ATAD2B: variants seen among roughly 807,000 people sequenced by gnomAD.
The protein encoded by ATAD2B is ATPase family AAA domain-containing protein 2B.
Under a neutral mutation model 167.6 loss-of-function variants are expected in ATAD2B, and 40 were observed. That is an observed-to-expected ratio of 0.24 (90% CI 0.19 to 0.31). The LOEUF is 0.31. Ranked by LOEUF, ATAD2B falls within the 10% of genes least tolerant of loss-of-function variation. The pLI is 1.00. For missense variants in ATAD2B, 1,242 were observed against 1,757.2 expected (o/e 0.71, Z 5.24); for synonymous variants, 579 against 596.5 (o/e 0.97, Z 0.43).
chr2:23,719,812 G>A, the ATAD2B span, among the ~76,000 whole-genome samples: 1 of 152,220 alleles, frequency 6.6e-6, no homozygotes, highest in South Asian at 2.1e-4. Flanking sequence ...ATATCCCTGA[G>A]GACTGGCAGA....
chr2:23,878,056 G>A (rs991023332), intron 7 of ATAD2B, among the ~76,000 whole-genome samples: 2 of 103,370 alleles, frequency 1.9e-5, no homozygotes, highest in East Asian at 6.7e-4. Context: ...TGTATAAATT[G>A]GAGTTCATTA....
intron 1 of ATAD2B, among the ~76,000 whole-genome samples, chr2:23,912,218 C>T (rs778300463): frequency 7.9e-5 from 12 of 151,908 alleles, no homozygotes; most frequent in East Asian, 1.9e-4. Flanking sequence ...GAAAGTAGGC[C>T]GGGTACAGTG....
At chr2:23,872,493 A>G (rs1696150826) in intron 8 of ATAD2B, 2 of 764,022 alleles carry the variant, frequency 2.6e-6, no homozygotes, top group East Asian at 4.9e-5. Flanking sequence ...TTACCAGGTG[A>G]GCTATTTCTT....
the ATAD2B span, among the ~76,000 whole-genome samples, chr2:23,694,664 A>C: frequency 6.6e-6 from 1 of 152,148 alleles, no homozygotes; most frequent in Admixed American, 6.5e-5. Flanking sequence ...ATCTCGTAAG[A>C]ATAAACCCCA....
chr2:23,856,576 C>G (rs1281403936), intron 13 of ATAD2B: 1 of 192,134 alleles, frequency 5.2e-6, no homozygotes, highest in African/African-American at 2.4e-5. Flanking sequence ...TACATGACAT[C>G]GAGGCCAGAC....
chr2:23,923,642 T>C lies in ATAD2B; in HGVS notation c.216+2913A>G, dbSNP rs565985335. Among the ~76,000 whole-genome samples, 3 of 146,386 alleles carry C rather than the reference T, an allele frequency of 2.0e-5. No homozygotes were observed. The South Asian group carries it at 6.6e-4, about 32-fold the overall frequency. On this transcript the variant is annotated intron_variant, in intron 1 of 27. Transcript: ENST00000238789. ...GTTATATACACTAAGTACCACCTTTTACATGTCAAAAAAAAAAAAGGCTTT... is the reference window on the plus strand; with the variant it reads ...GTTATATACACTAAGTACCACCTTTCACATGTCAAAAAAAAAAAAGGCTTT...
chr2:23,837,204 G>A (rs1023586327), intron 13 of ATAD2B, among the ~76,000 whole-genome samples: 6 of 152,210 alleles, frequency 3.9e-5, no homozygotes, highest in East Asian at 1.9e-4. Flanking sequence ...CCAAGAGTGC[G>A]CACAACCAGC....
intron 5 of ATAD2B, 111 bp downstream of exon 5, chr2:23,885,616 C>G (rs890347746): frequency 5.2e-6 from 3 of 574,254 alleles, no homozygotes; most frequent in Non-Finnish European, 8.9e-6. Context: ...GAAATGAAGA[C>G]GAAGGAACAC....
Position 23,792,962 on chromosome 2 carries a change from CAAAAAAAAAAAAAA to C in ATAD2B, c.2641-4329_2641-4316del, listed in dbSNP as rs36015161. Among the ~76,000 whole-genome samples, 33 of 42,548 alleles carry C rather than the reference CAAAAAAAAAAAAAA, an allele frequency of 7.8e-4. No homozygotes were observed. The East Asian group carries it at 0.017, about 22-fold the overall frequency. 27.9% of individuals were successfully genotyped at this position (42,548 alleles called of 152,430 possible). On this transcript the variant is annotated intron_variant, in intron 19 of 27. Coordinates refer to ENST00000238789, the MANE Select transcript of ATAD2B (RefSeq NM_017552.4). ...TGGGCAACAGCGAGAGACTCTGTCTCAAAAAAAAAAAAAAAAAAAAAAAAAAAACTTGAGAAGAT... is the reference window on the plus strand; with the variant it reads ...TGGGCAACAGCGAGAGACTCTGTCTCAAAAAAAAAAAAAACTTGAGAAGAT...
the ATAD2B span, chr2:23,691,567 C>G: frequency 1.1e-6 from 1 of 933,980 alleles, no homozygotes; most frequent in African/African-American, 1.6e-5. Context: ...CCTTTGAGCC[C>G]TAAAACCAAG....
chr2:23,699,409 T>TAAGTA, the ATAD2B span, among the ~76,000 whole-genome samples: 5 of 152,294 alleles, frequency 3.3e-5, no homozygotes, highest in African/African-American at 1.2e-4. Flanking sequence ...TGGGAGGGCC[T>TAAGTA]AAGTATGGAG....
At chr2:23,793,154 G>C (rs1682078680) in intron 19 of ATAD2B, among the ~76,000 whole-genome samples, 1 of 151,730 alleles carries the variant, frequency 6.6e-6, no homozygotes, top group African/African-American at 2.4e-5. Flanking sequence ...TCCCCTCCCA[G>C]GTCCTACCAT....
intron 4 of ATAD2B, among the ~76,000 whole-genome samples, chr2:23,886,332 T>C (rs2150268871): frequency 6.6e-6 from 1 of 152,268 alleles, no homozygotes; most frequent in South Asian, 2.1e-4. Context: ...TCTACCTTAA[T>C]ATATACATTA....
At chr2:23,828,375 C>T (rs2339929) in intron 15 of ATAD2B, among the ~76,000 whole-genome samples, 40,450 of 151,914 alleles carry the variant, frequency 0.27, 5,761 homozygotes, top group African/African-American at 0.36. Flanking sequence ...GAACTACTAC[C>T]AAATATAATT....
chr2:23,919,374 C>A (rs767477308), intron 1 of ATAD2B, among the ~76,000 whole-genome samples: 2 of 151,694 alleles, frequency 1.3e-5, no homozygotes. Context: ...TGGCGAAACC[C>A]CATCTCTACA....
At chr2:23,748,380 T>C (rs1398054966), downstream of ATAD2B, among the ~76,000 whole-genome samples, 1 of 152,164 alleles carries the variant, frequency 6.6e-6, no homozygotes, top group African/African-American at 2.4e-5. Flanking sequence ...TGTTATCGTA[T>C]AGTCTTCCAG....
the ATAD2B span, among the ~76,000 whole-genome samples, chr2:23,682,754 C>G: frequency 6.6e-6 from 1 of 152,168 alleles, no homozygotes; most frequent in African/African-American, 2.4e-5. The surrounding 1 kb of genome is among the most constrained non-coding windows in gnomAD (Gnocchi z 4.1). Context: ...GCTCCCACCC[C>G]CCTTGCTCCG....
the ATAD2B span, among the ~76,000 whole-genome samples, chr2:23,694,331 C>CA: frequency 6.6e-6 from 1 of 152,356 alleles, no homozygotes; most frequent in East Asian, 1.9e-4. Flanking sequence ...TGCCTCCTTC[C>CA]TCCCCTTTAA....
intron 20 of ATAD2B, among the ~76,000 whole-genome samples, chr2:23,787,484 C>T (rs544860921): frequency 1.3e-5 from 2 of 152,002 alleles, no homozygotes; most frequent in African/African-American, 2.4e-5. Context: ...GTATAATTTA[C>T]ATATTCAATT....
Sources: allele counts gnomAD v4.1 joint callset (sites outside exome capture counted in the v4.1 genomes callset), GRCh38; gene constraint gnomAD v4.1.1; non-coding constraint Gnocchi (gnomAD v3.1); transcripts MANE v1.5; gene names NCBI Gene and HGNC (gene_info 2026-07-23, HGNC 2026-07-21).